The following GRID2 variants were observed in gnomAD, a reference collection of about 807,000 sequenced individuals.
GRID2 encodes the protein glutamate ionotropic receptor delta type subunit 2, also known as glutamate receptor ionotropic, delta-2.
A neutral mutation model predicts 114.8 loss-of-function variants in GRID2; 33 were observed. The observed-to-expected ratio is 0.29, with a 90% confidence interval of 0.22 to 0.38. The LOEUF (loss-of-function observed/expected upper bound fraction) is 0.38, where lower values mean the gene tolerates loss of function less well. Among genes scored for constraint, GRID2 ranks in the 10% least tolerant of loss-of-function variants. The pLI is 1.00. For synonymous variants in GRID2, 505 were observed against 449.9 expected (o/e 1.12, Z -1.55); for missense variants, 1,184 against 1,257.7 (o/e 0.94, Z 0.89).
At chr4:93,740,634 C>T (rs1216338166) in intron 14 of GRID2, among the ~76,000 whole-genome samples, 7 of 152,084 alleles carry the variant, frequency 4.6e-5, no homozygotes, top group Admixed American at 2.0e-4. Context: ...GCGTTACTTA[C>T]GTTCCTGTCA....
rs529359651 is a variant in GRID2, at chr4:93,637,081, C to A, written c.2360+10646C>A. Among the ~76,000 whole-genome samples the A allele has an allele frequency of 5.9e-5, 9 of 152,214 alleles. No individual in the cohort carries two copies. In the South Asian group the frequency reaches 1.9e-3, roughly 32 times the overall value. On this transcript the variant is annotated intron_variant, in intron 14 of 15. Transcript: ENST00000282020. The stretch of plus-strand genomic sequence containing the variant: ...ACTTTCAACAGGGTCACAAACATAA[C>A]TAGAACATCTGTTTAAAAATTGTCA...
chr4:93,094,348 A>G (rs973891588), intron 3 of GRID2, among the ~76,000 whole-genome samples: 4 of 152,064 alleles, frequency 2.6e-5, no homozygotes, highest in African/African-American at 9.7e-5. Context: ...TTTTAAGGAC[A>G]CCTGGAAAAT....
chr4:92,718,959 C>T (rs938286142), intron 2 of GRID2, among the ~76,000 whole-genome samples: 4 of 151,638 alleles, frequency 2.6e-5, no homozygotes, highest in Non-Finnish European at 2.9e-5. Flanking sequence ...AATTTTGTGA[C>T]CCAGTTTCTT....
intron 14 of GRID2, among the ~76,000 whole-genome samples, chr4:93,725,685 T>G (rs1329374416): frequency 1.3e-5 from 2 of 150,854 alleles, no homozygotes; most frequent in African/African-American, 5.0e-5. Flanking sequence ...CTAACTGGTG[T>G]GAGATGGTAT....
intron 4 of GRID2, among the ~76,000 whole-genome samples, chr4:93,153,733 G>A (rs1051950728): frequency 6.6e-6 from 1 of 151,948 alleles, no homozygotes; most frequent in Non-Finnish European, 1.5e-5. Context: ...GGAGAATTCC[G>A]GTTCTCCTTA....
chr4:93,216,315 C>T (rs1234017794), intron 5 of GRID2, among the ~76,000 whole-genome samples: 3 of 151,536 alleles, frequency 2.0e-5, no homozygotes, highest in Non-Finnish European at 4.4e-5. Flanking sequence ...TGCGTATGTG[C>T]GTGTGTATAA....
chr4:92,799,359 G>T (rs1012500851), intron 2 of GRID2, among the ~76,000 whole-genome samples: 1 of 152,010 alleles, frequency 6.6e-6, no homozygotes, highest in African/African-American at 2.4e-5. Context: ...ACCTCCTGCT[G>T]TGGGGCCCTG....
At chr4:93,254,617 A>G (rs1461236930) in intron 8 of GRID2, among the ~76,000 whole-genome samples, 1 of 152,096 alleles carries the variant, frequency 6.6e-6, no homozygotes, top group African/African-American at 2.4e-5. Flanking sequence ...ATATCCCAAA[A>G]TGAGATGAGA....
At chr4:92,359,894 C>G (rs980442762) in intron 1 of GRID2, among the ~76,000 whole-genome samples, 9 of 151,816 alleles carry the variant, frequency 5.9e-5, no homozygotes, top group Non-Finnish European at 1.3e-4. Flanking sequence ...TTGACTATTT[C>G]TGAAAAAAAA....
chr4:93,743,382 G>A (rs943050076), intron 14 of GRID2, among the ~76,000 whole-genome samples: 1 of 152,210 alleles, frequency 6.6e-6, no homozygotes, highest in African/African-American at 2.4e-5. Context: ...ATAGATGAAG[G>A]TGGCTACACT....
At chr4:93,095,722 A>G (rs1008544242) in intron 3 of GRID2, among the ~76,000 whole-genome samples, 2 of 152,032 alleles carry the variant, frequency 1.3e-5, no homozygotes, top group Non-Finnish European at 2.9e-5. Flanking sequence ...TACGCTAAAA[A>G]TTATGAAACA....
At chr4:93,421,383 A>G (rs1358282915) in intron 9 of GRID2, among the ~76,000 whole-genome samples, 2 of 152,170 alleles carry the variant, frequency 1.3e-5, no homozygotes, top group Non-Finnish European at 2.9e-5. Flanking sequence ...ACTAGCAGTA[A>G]CCTACTCTAC....
Position 92,787,738 on chromosome 4 carries a change from A to T in GRID2, c.244+197452A>T, listed in dbSNP as rs76253952. Among the ~76,000 whole-genome samples, 26 of 152,048 alleles carry T rather than the reference A, an allele frequency of 1.7e-4. No individual in the cohort carries two copies. In the East Asian group the frequency reaches 4.9e-3, roughly 28 times the overall value. ...TCCTTCTGGCTATTTCATAGAACAAATGAAGAAAGCAAAGTTAAAAGTTAA... is the reference window on the plus strand; with the variant it reads ...TCCTTCTGGCTATTTCATAGAACAATTGAAGAAAGCAAAGTTAAAAGTTAA... On this transcript the variant is annotated intron_variant, in intron 2 of 15. Transcript: ENST00000282020.
chr4:92,479,396 T>TA (rs570976080), intron 1 of GRID2, among the ~76,000 whole-genome samples: 11 of 152,124 alleles, frequency 7.2e-5, no homozygotes, highest in South Asian at 2.1e-4. Context: ...TTATATGGAT[T>TA]AAAAAAATGC....
intron 1 of GRID2, among the ~76,000 whole-genome samples, chr4:92,339,030 T>C (rs1727337537): frequency 6.6e-6 from 1 of 152,086 alleles, no homozygotes; most frequent in Admixed American, 6.6e-5. Context: ...CTCTAATTAC[T>C]TCCCATTGCC....
chr4:93,528,975 T>G (rs886911360), intron 13 of GRID2, among the ~76,000 whole-genome samples: 6 of 152,122 alleles, frequency 3.9e-5, no homozygotes, highest in African/African-American at 1.4e-4. Context: ...GGTTAAGTGA[T>G]TTACCCAAGG....
At chr4:93,362,370 C>T (rs1413657608) in intron 8 of GRID2, among the ~76,000 whole-genome samples, 3 of 151,832 alleles carry the variant, frequency 2.0e-5, no homozygotes, top group African/African-American at 7.3e-5. Flanking sequence ...GGCAGTGTGT[C>T]CCTGGATTGG....
intron 10 of GRID2, among the ~76,000 whole-genome samples, chr4:93,427,285 G>T (rs140674381): frequency 6.6e-6 from 1 of 151,786 alleles, no homozygotes. Flanking sequence ...AAATTACACC[G>T]TTGAAATGGC....
rs530082786 is a variant in GRID2 at position 93,662,884 on chromosome 4, C to T, written c.2360+36449C>T. Among the ~76,000 whole-genome samples, 531 of 152,258 alleles carry T rather than the reference C, an allele frequency of 3.5e-3. 5 individuals carry two copies. Among genetic ancestry groups the T allele is most frequent in the Admixed American group, 0.012 (180 of 15,294 alleles). On this transcript the variant is annotated intron_variant, in intron 14 of 15. Transcript: ENST00000282020. ...GATTCTAGCTAAACTGCCCACAAAACACGAAATGTTTCATTTAACTAAGTG... is the reference window on the plus strand; with the variant it reads ...GATTCTAGCTAAACTGCCCACAAAATACGAAATGTTTCATTTAACTAAGTG...
Sources: allele counts gnomAD v4.1 joint callset (sites outside exome capture counted in the v4.1 genomes callset), GRCh38; gene constraint gnomAD v4.1.1; transcripts MANE v1.5; gene names NCBI Gene and HGNC (gene_info 2026-07-23, HGNC 2026-07-21).